Variants in SAMMSON observed in about 807,000 individuals in gnomAD.
The protein encoded by SAMMSON is long intergenic non-protein coding RNA 1212.
chr3:70,260,967 T>C (rs1185479035), intron 6 of SAMMSON, among the ~76,000 whole-genome samples: 2 of 152,210 alleles, frequency 1.3e-5, no homozygotes, highest in African/African-American at 4.8e-5. Flanking sequence ...CTCAAGTTTA[T>C]AATATTTGCA....
At position 70,213,904 on chromosome 3, in the gene SAMMSON, C is replaced by T. The variant is rs533560335; in HGVS notation, n.508-35203C>T. Among the ~76,000 whole-genome samples the T allele has an allele frequency of 2.0e-5, 3 of 151,832 alleles. No homozygotes were observed. The South Asian group carries it at 6.2e-4, about 32-fold the overall frequency. ...AAACATACTATGGCTGAAGACAGAA[C>T]AAAATTAGGAAGAGGAAGATTTCTT... On this transcript the variant is annotated intron_variant and non_coding_transcript_variant, in intron 4 of 9. Transcript: ENST00000642114.
At chr3:70,375,186 A>G (rs948005879) in intron 9 of SAMMSON, among the ~76,000 whole-genome samples, 5 of 152,156 alleles carry the variant, frequency 3.3e-5, no homozygotes, top group African/African-American at 1.2e-4. Flanking sequence ...GACTCAATTC[A>G]TTCACATCGC....
chr3:70,252,614 G>C (rs1701780020), intron 6 of SAMMSON, among the ~76,000 whole-genome samples: 2 of 152,204 alleles, frequency 1.3e-5, no homozygotes, highest in African/African-American at 4.8e-5. Context: ...AACCGGAGAA[G>C]ATGTGCCCCA....
intron 7 of SAMMSON, chr3:70,311,797 C>A (rs904299328): frequency 2.5e-6 from 1 of 392,934 alleles, no homozygotes; most frequent in Non-Finnish European, 4.5e-6. Flanking sequence ...ACGGTCAGGA[C>A]AATTTCCTCC....
At chr3:70,226,389 T>C (rs1701507382) in intron 4 of SAMMSON, among the ~76,000 whole-genome samples, 1 of 151,986 alleles carries the variant, frequency 6.6e-6, no homozygotes, top group Admixed American at 6.6e-5. Flanking sequence ...TCCTATTCTG[T>C]TGGGTATAAT....
At chr3:70,108,423 C>CTTTGTTTTTTTTTTTTTTTTTTTTTTT (rs2067375611) in intron 4 of SAMMSON, among the ~76,000 whole-genome samples, 1 of 89,376 alleles carries the variant, frequency 1.1e-5, no homozygotes, top group African/African-American at 4.1e-5. Flanking sequence ...CTTGCGGTTC[C>CTTTGTTTTTTTTTTTTTTTTTTTTTTT]TTTTTTTTTT....
At chr3:70,429,951 A>C (rs950048510) in intron 2 of SAMMSON, among the ~76,000 whole-genome samples, 1 of 152,040 alleles carries the variant, frequency 6.6e-6, no homozygotes, top group African/African-American at 2.4e-5. Context: ...ATTTGAATAC[A>C]CTTTATTTGT....
intron 4 of SAMMSON, among the ~76,000 whole-genome samples, chr3:70,076,898 G>A (rs903701092): frequency 3.8e-4 from 58 of 152,102 alleles, no homozygotes; most frequent in African/African-American, 1.4e-3. Flanking sequence ...TTTGTTCAGG[G>A]GCTGAAAAAA....
At chr3:70,085,018 G>A (rs1320547210) in intron 4 of SAMMSON, among the ~76,000 whole-genome samples, 2 of 152,142 alleles carry the variant, frequency 1.3e-5, no homozygotes, top group Non-Finnish European at 2.9e-5. Flanking sequence ...GTGAGTTCTG[G>A]GGAGGAATCA....
At chr3:70,143,751 T>C (rs954101671) in intron 4 of SAMMSON, among the ~76,000 whole-genome samples, 2 of 152,160 alleles carry the variant, frequency 1.3e-5, no homozygotes, top group South Asian at 2.1e-4. Flanking sequence ...GTTGCTAGCA[T>C]TGGTGTGTTT....
At chr3:70,258,642 A>G (rs1701839754) in intron 6 of SAMMSON, among the ~76,000 whole-genome samples, 1 of 152,132 alleles carries the variant, frequency 6.6e-6, no homozygotes, top group East Asian at 1.9e-4. Flanking sequence ...CTCTCACACT[A>G]CTGGAAATTT....
intron 6 of SAMMSON, among the ~76,000 whole-genome samples, chr3:70,270,210 G>A (rs1366420070): frequency 6.6e-6 from 1 of 152,174 alleles, no homozygotes; most frequent in Non-Finnish European, 1.5e-5. Flanking sequence ...AGTGGTGGAA[G>A]TCTCAATGAC....
chr3:70,372,582 G>A (rs2106746755), intron 9 of SAMMSON, among the ~76,000 whole-genome samples: 1 of 152,258 alleles, frequency 6.6e-6, no homozygotes, highest in Non-Finnish European at 1.5e-5. Flanking sequence ...TTACAGGTAT[G>A]AGCCACCATG....
chr3:70,266,890 C>T (rs1039105723), intron 6 of SAMMSON, among the ~76,000 whole-genome samples: 2 of 152,204 alleles, frequency 1.3e-5, no homozygotes, highest in African/African-American at 4.8e-5. Flanking sequence ...CTGACACATC[C>T]ACTGCCTGCC....
intron 2 of SAMMSON, among the ~76,000 whole-genome samples, chr3:70,415,081 C>A (rs1701253268): frequency 6.6e-6 from 1 of 151,710 alleles, no homozygotes; most frequent in African/African-American, 2.4e-5. Context: ...AGGGGGGGTC[C>A]CAAGGGGGAA....
intron 3 of SAMMSON, among the ~76,000 whole-genome samples, chr3:70,051,270 G>A (rs940399000): frequency 1.3e-5 from 2 of 149,556 alleles, no homozygotes; most frequent in Non-Finnish European, 3.0e-5. Context: ...TTGATAATAT[G>A]AATCCTACAC....
At chr3:70,001,292 T>C (rs537791035) in intron 1 of SAMMSON, among the ~76,000 whole-genome samples, 3 of 152,222 alleles carry the variant, frequency 2.0e-5, no homozygotes, top group East Asian at 3.9e-4. Context: ...CTTTGTAGAA[T>C]TACATCCTTT....
intron 4 of SAMMSON, among the ~76,000 whole-genome samples, chr3:70,164,645 C>G (rs887099728): frequency 1.3e-5 from 2 of 151,990 alleles, no homozygotes; most frequent in Non-Finnish European, 2.9e-5. Flanking sequence ...GCCAGACCAT[C>G]TGGGCTCACT....
rs562096259 is a variant in SAMMSON, at chr3:70,370,162, A to G, written n.913+11838A>G. On this transcript the variant is annotated intron_variant and non_coding_transcript_variant, in intron 9 of 9. Transcript: ENST00000642114. ...ATGATGTCATTCTTTCTTATGGTCA[A>G]ATAGTATTCCACCGTATATATACAC... 2.8e-4 allele frequency among the ~76,000 whole-genome samples: 42 copies of G among 151,702 alleles called. No individual in the cohort carries two copies. The East Asian group carries it at 7.5e-3, about 27-fold the overall frequency.
Sources: allele counts gnomAD v4.1 joint callset (sites outside exome capture counted in the v4.1 genomes callset), GRCh38; gene constraint gnomAD v4.1.1; transcripts MANE v1.5; gene names NCBI Gene and HGNC (gene_info 2026-07-23, HGNC 2026-07-21).